The following MCOLN3 variants were observed in gnomAD, a reference collection of about 807,000 sequenced individuals.
The protein encoded by MCOLN3 is mucolipin-3.
MCOLN3 carries 62 observed loss-of-function variants against 69.4 expected under a neutral mutation model. That is an observed-to-expected ratio of 0.89 (90% confidence interval 0.73 to 1.10). MCOLN3 has a LOEUF of 1.10. MCOLN3 is among the 50% of genes least tolerant of loss of function. The pLI, the probability that MCOLN3 is intolerant of heterozygous loss-of-function variation, is 0.00. For missense variants in MCOLN3, 564 were observed against 656.4 expected (o/e 0.86, Z 1.54); for synonymous variants, 183 against 217.0 (o/e 0.84, Z 1.38).
chr1:85,018,328 T>C lies in MCOLN3; in HGVS notation c.*795A>G, dbSNP rs971499188. The C allele has an allele frequency of 6.6e-6, 1 of 152,162 alleles. No homozygotes were observed. Among genetic ancestry groups the C allele is most frequent in the Non-Finnish European group, 1.5e-5 (1 of 68,028 alleles). The allele number at this position is 152,162 out of a possible 1,614,324, so 9.4% of individuals were successfully genotyped here. On this transcript the variant is annotated 3_prime_UTR_variant, in exon 13 of 13. Transcript: ENST00000370589. ...GGTCCCAGAAGATTATAAAACCATA[T>C]TTTTACTGTCCCTTTTCTATGTTTA...
At chr1:85,043,841 CTT>C (rs550836893) in intron 2 of MCOLN3, among the ~76,000 whole-genome samples, 30 of 142,070 alleles carry the variant, frequency 2.1e-4, no homozygotes, top group Non-Finnish European at 2.3e-4. Context: ...AGCCATGTGA[CTT>C]TTTTTTTTTT....
chr1:85,021,298 G>A, intron 11 of MCOLN3, 22 bp from the exon 12 acceptor site: 1 of 1,586,066 alleles, frequency 6.3e-7, no homozygotes, highest in Non-Finnish European at 8.6e-7. Flanking sequence ...AAAGAGAAAA[G>A]TTCACTTTAT....
At chr1:85,040,296 C>T (rs1452924736) in intron 3 of MCOLN3, among the ~76,000 whole-genome samples, 1 of 152,086 alleles carries the variant, frequency 6.6e-6, no homozygotes, top group African/African-American at 2.4e-5. Flanking sequence ...AAATGAATAG[C>T]CATGATTATA....
chr1:85,031,283 A>T (rs548657006), intron 6 of MCOLN3, among the ~76,000 whole-genome samples: 7 of 152,140 alleles, frequency 4.6e-5, no homozygotes, highest in Admixed American at 4.6e-4. Context: ...AAAAAAAAAA[A>T]AAATACAGTG....
intron 4 of MCOLN3, among the ~76,000 whole-genome samples, 165 bp downstream of exon 4, chr1:85,033,933 T>C (rs1323156501): frequency 1.3e-5 from 2 of 152,186 alleles, no homozygotes; most frequent in Non-Finnish European, 2.9e-5. Flanking sequence ...TCTTGAGTTA[T>C]AGTAAAGGGC....
chr1:85,039,804 A>T (rs1652973864), intron 3 of MCOLN3, among the ~76,000 whole-genome samples: 1 of 152,116 alleles, frequency 6.6e-6, no homozygotes, highest in Admixed American at 6.5e-5. Flanking sequence ...TTTTTTAATT[A>T]GCCAAGCATG....
intron 3 of MCOLN3, among the ~76,000 whole-genome samples, chr1:85,039,744 T>C (rs112985461): frequency 9.2e-5 from 14 of 152,198 alleles, no homozygotes; most frequent in African/African-American, 3.4e-4. Context: ...GGCCAGGAGT[T>C]TGAGCAACCT....
intron 2 of MCOLN3, 41 bp downstream of exon 2, chr1:85,045,092 T>TAA (rs1202069763): frequency 6.6e-7 from 1 of 1,504,062 alleles, no homozygotes; most frequent in Admixed American, 2.0e-5. Context: ...TCTTTGTAAT[T>TAA]AAAAGAGGCT....
Position 85,032,783 on chromosome 1 carries a change from T to C in MCOLN3, c.645A>G (p.Thr215=), listed in dbSNP as rs564935331. 6.2e-7 allele frequency: 1 copy of C among 1,614,062 alleles called. No individual in the cohort carries two copies. The highest frequency in any genetic ancestry group is 1.7e-5 in the Admixed American group (1 of 60,024). Residue 215 remains threonine (T), a synonymous_variant, in exon 6 of 13, where the codon ACA becomes ACG. Coordinates refer to ENST00000370589, the MANE Select transcript of MCOLN3 (RefSeq NM_018298.11). ...CTTTCAGTTTAAACTGAAGCTCCAC[T>C]GTTAGGAGTCTAGAAAACAGAGGTG... The part of the protein sequence containing the change: ...NLTLDFHRLL[T]VELQFKLKAI...
Position 85,029,133 on chromosome 1 carries a change from A to C in MCOLN3, c.805T>G (p.Cys269Gly). 1 of 1,601,654 alleles carries C rather than the reference A, an allele frequency of 6.2e-7. No homozygotes were observed. Among genetic ancestry groups the C allele is most frequent in the Non-Finnish European group, 8.6e-7 (1 of 1,168,772 alleles). ...GATCCAGATACATGCCAGTCTTTAC[A>C]TTCTCTGATGGAAATGTCATTATCT... Reference protein sequence around the residue: ...SLDNDISIRECKDWHVSGSIQ... With the variant: ...SLDNDISIREGKDWHVSGSIQ... The change falls in exon 7 of 13, where the codon TGT becomes GGT. Residue 269 changes from cysteine to glycine, a missense_variant. Physicochemically the swap from Cys to Gly is radical, Grantham distance 159. Transcript: ENST00000370589.
At chr1:85,029,233 C>T in intron 6 of MCOLN3, 28 bp from the exon 7 acceptor site, 1 of 1,411,078 alleles carries the variant, frequency 7.1e-7, no homozygotes, top group South Asian at 1.2e-5. Context: ...CAGTCAAAAA[C>T]ATACTTATAG....
chr1:85,033,470 A>C (rs1652640966), intron 4 of MCOLN3, among the ~76,000 whole-genome samples: 1 of 152,224 alleles, frequency 6.6e-6, no homozygotes, highest in Non-Finnish European at 1.5e-5. Context: ...TCTAGAAAAA[A>C]AAATCCTAGT....
At chr1:85,046,656 G>C (rs1361154704) in intron 1 of MCOLN3, among the ~76,000 whole-genome samples, 4 of 152,284 alleles carry the variant, frequency 2.6e-5, no homozygotes, top group Non-Finnish European at 4.4e-5. Flanking sequence ...CCCCACTTTT[G>C]ATTCCAATTC....
Position 85,018,909 on chromosome 1 carries a change from C to A in MCOLN3, c.*214G>T. 1 of 481,498 alleles carries A rather than the reference C, an allele frequency of 2.1e-6. No individual in the cohort carries two copies. The highest frequency in any genetic ancestry group is 3.2e-5 in the South Asian group (1 of 30,986). 29.8% of individuals were successfully genotyped at this position (481,498 alleles called of 1,614,324 possible). The stretch of plus-strand genomic sequence containing the variant: ...AAATAATAATAATCCAATAGCTTTC[C>A]TCATTAAAGTTTTTTTAAAAACAAT... On this transcript the variant is annotated 3_prime_UTR_variant, in exon 13 of 13. Coordinates refer to ENST00000370589, the MANE Select transcript of MCOLN3 (RefSeq NM_018298.11).
chr1:85,032,007 C>T (rs1356369170), intron 6 of MCOLN3, among the ~76,000 whole-genome samples: 4 of 151,840 alleles, frequency 2.6e-5, no homozygotes, highest in African/African-American at 9.7e-5. Flanking sequence ...ACCCGGGAGG[C>T]GGAGCTTGCA....
Position 85,018,767 on chromosome 1 carries a change from C to A in MCOLN3, c.*356G>T. 1 of 181,216 alleles carries A rather than the reference C, an allele frequency of 5.5e-6. No homozygotes were observed. The highest frequency in any genetic ancestry group is 1.1e-5 in the Non-Finnish European group (1 of 87,402). 11.2% of individuals were successfully genotyped at this position (181,216 alleles called of 1,614,324 possible). On this transcript the variant is annotated 3_prime_UTR_variant, in exon 13 of 13. Transcript: ENST00000370589. ...GAGTTGTCCAAAGTCACAGTCAGAC[C>A]AAGGATTGTTTTCCACTAATTACAC...
In MCOLN3 at chr1:85,047,353, G is replaced by T. The variant is rs541227749; in HGVS notation, c.-3+1043C>A. On this transcript the variant is annotated intron_variant, in intron 1 of 12. Transcript: ENST00000370589. Reference sequence around the variant, plus strand: ...ACCCAGTCTGAAAAGCCCTTCCGAGGGTGCACTTTTAAAAACTGCAAACTG... The same window carrying T: ...ACCCAGTCTGAAAAGCCCTTCCGAGTGTGCACTTTTAAAAACTGCAAACTG... 2.0e-5 allele frequency: 3 copies of T among 152,272 alleles called. No individual in the cohort carries two copies. In the South Asian group the frequency reaches 6.2e-4, roughly 32 times the overall value. 9.4% of individuals were successfully genotyped at this position (152,272 alleles called of 1,614,324 possible).
rs1357436468 is a variant in MCOLN3, at chr1:85,026,296, G to A, written c.833-12C>T. On this transcript the variant is annotated splice_polypyrimidine_tract_variant and intron_variant, in intron 7 of 12. Coordinates refer to ENST00000370589, the MANE Select transcript of MCOLN3 (RefSeq NM_018298.11). ...AGTGTTCTTCTGAACTGAAAGCAAA[G>A]AGGATTACATAGTGCTTATGTAGTG... is the stretch of plus-strand genomic sequence containing the variant. 1 of 1,566,782 alleles carries A rather than the reference G, an allele frequency of 6.4e-7. No homozygotes were observed. The highest frequency in any genetic ancestry group is 8.8e-7 in the Non-Finnish European group (1 of 1,136,998).
chr1:85,025,882 A>G, intron 9 of MCOLN3, 57 bp downstream of exon 9: 1 of 1,471,320 alleles, frequency 6.8e-7, no homozygotes, highest in Non-Finnish European at 9.2e-7. Context: ...CTGGAAAAAT[A>G]CATTACCATT....
Sources: gnomAD v4.1 joint callset for allele counts (sites outside exome capture counted in the v4.1 genomes callset) on GRCh38, gnomAD v4.1.1 for gene constraint, MANE v1.5 for transcripts, NCBI Gene and HGNC (gene_info 2026-07-23, HGNC 2026-07-21) for gene names.